The following EMB variants were observed in gnomAD, a reference collection of about 807,000 sequenced individuals.
EMB encodes embigin, also known as embigin homolog.
Under a neutral mutation model 41.4 loss-of-function variants are expected in EMB, and 31 were observed. The ratio of observed to expected loss-of-function variants is 0.75; its 90% CI spans 0.56 to 1.01. The LOEUF (loss-of-function observed/expected upper bound fraction) is 1.01. EMB is among the 50% of genes least tolerant of loss of function. The probability of loss-of-function intolerance (pLI) is 0.00; values close to 1 mark genes in which losing one functional copy is unlikely to be tolerated. For synonymous variants in EMB, 137 were observed against 140.4 expected, an observed-to-expected ratio of 0.98 and a Z score of 0.17; for missense variants, 379 against 388.3, an observed-to-expected ratio of 0.98 and a Z score of 0.20.
intron 1 of EMB, 79 bp from the exon 2 acceptor site, chr5:50,428,306 A>G (rs921881796): frequency 1.5e-5 from 20 of 1,337,996 alleles, no homozygotes; most frequent in Non-Finnish European, 2.1e-5. Flanking sequence ...AAACAGCTAA[A>G]ACACTGTTGT....
At chr5:50,430,861 G>A (rs1196935363) in intron 1 of EMB, among the ~76,000 whole-genome samples, 1 of 152,120 alleles carries the variant, frequency 6.6e-6, no homozygotes, top group East Asian at 1.9e-4. Context: ...GACTTGTCAT[G>A]GATGGGCTCA....
chr5:50,440,981 G>A (rs911851255), intron 1 of EMB, 59 bp downstream of exon 1: 7 of 1,202,110 alleles, frequency 5.8e-6, no homozygotes, highest in African/African-American at 3.2e-5. Flanking sequence ...TCTGCCCGCG[G>A]GGACCCGAGC....
Position 50,411,244 on chromosome 5 carries a change from A to G in EMB, c.336T>C (p.Asn112=). The change falls in exon 3 of 9, where the codon AAT becomes AAC. Residue 112 remains asparagine (N), a synonymous_variant. Transcript: ENST00000303221. ...TTCCTGTTGCACTGACAAGATAATT[A>G]TTCTCAAGTTGTTCACCATCTTTTT... ...TWKKDGEQLE[N]NYLVSATGST... is the part of the protein sequence containing the mutation. 6.2e-7 allele frequency: 1 copy of G among 1,612,934 alleles called. No homozygotes were observed. Among genetic ancestry groups the G allele is most frequent in the Non-Finnish European group, 8.5e-7 (1 of 1,179,318 alleles).
chr5:50,422,090 CTGT>C (rs957814161), intron 2 of EMB, among the ~76,000 whole-genome samples: 1 of 151,970 alleles, frequency 6.6e-6, no homozygotes, highest in Non-Finnish European at 1.5e-5. Flanking sequence ...GAAAGAAAAT[CTGT>C]TTTTTTAAAA....
intron 2 of EMB, among the ~76,000 whole-genome samples, chr5:50,426,857 T>A (rs1234678595): frequency 6.6e-6 from 1 of 150,478 alleles, no homozygotes; most frequent in East Asian, 1.9e-4. Context: ...AGTTATCTTG[T>A]CATTTTCAAC....
At chr5:50,411,599 A>G (rs1357611339) in intron 2 of EMB, 3 of 378,504 alleles carry the variant, frequency 7.9e-6, no homozygotes, top group Non-Finnish European at 1.4e-5. Context: ...TAACACAATT[A>G]AAAAAAACCT....
chr5:50,411,606 A>C (rs975119600), intron 2 of EMB: 57 of 365,146 alleles, frequency 1.6e-4, no homozygotes, highest in Non-Finnish European at 2.6e-4. Flanking sequence ...ATTAAAAAAA[A>C]CCTAAAGCTG....
At chr5:50,417,147 C>A (rs1745442750) in intron 2 of EMB, among the ~76,000 whole-genome samples, 2 of 152,148 alleles carry the variant, frequency 1.3e-5, no homozygotes, top group African/African-American at 4.8e-5. Context: ...TTCACCTGCC[C>A]TGTAATAATT....
chr5:50,407,783 A>C (rs1745271832), intron 4 of EMB, among the ~76,000 whole-genome samples: 1 of 151,990 alleles, frequency 6.6e-6, no homozygotes, highest in African/African-American at 2.4e-5. Context: ...AGTAGGATGC[A>C]TACGAGTGCT....
chr5:50,404,699 C>T (rs191776596), intron 5 of EMB, among the ~76,000 whole-genome samples: 2 of 151,990 alleles, frequency 1.3e-5, no homozygotes, highest in Admixed American at 1.3e-4. Context: ...TACAAAATTA[C>T]ACTTTTTAAA....
intron 1 of EMB, among the ~76,000 whole-genome samples, chr5:50,433,076 T>C (rs548983117): frequency 8.1e-4 from 123 of 151,050 alleles, no homozygotes; most frequent in Non-Finnish European, 1.6e-3. Flanking sequence ...AGACTCTGTC[T>C]CCAAAAAAAA....
At chr5:50,408,877 T>C (rs1375997972) in intron 4 of EMB, among the ~76,000 whole-genome samples, 1 of 152,102 alleles carries the variant, frequency 6.6e-6, no homozygotes, top group African/African-American at 2.4e-5. Context: ...GTAAGCAATA[T>C]TCAATTTAGA....
At chr5:50,427,504 T>TGGGA (rs1561138985) in intron 2 of EMB, among the ~76,000 whole-genome samples, 1 of 150,572 alleles carries the variant, frequency 6.6e-6, no homozygotes, top group Admixed American at 6.6e-5. Flanking sequence ...TTATTATTAT[T>TGGGA]ATTATATTAT....
At chr5:50,432,750 TAAA>T (rs35639181) in intron 1 of EMB, among the ~76,000 whole-genome samples, 6 of 98,916 alleles carry the variant, frequency 6.1e-5, no homozygotes, top group South Asian at 3.9e-4. Flanking sequence ...GAAAAACAAG[TAAA>T]AAAAAAAAAA....
chr5:50,399,805 C>T, intron 8 of EMB, 54 bp downstream of exon 8: 3 of 1,374,120 alleles, frequency 2.2e-6, no homozygotes, highest in Non-Finnish European at 3.1e-6. Context: ...GATAGATAGC[C>T]TATGTATATT....
At chr5:50,431,346 C>T (rs1352341992) in intron 1 of EMB, among the ~76,000 whole-genome samples, 1 of 152,056 alleles carries the variant, frequency 6.6e-6, no homozygotes, top group Non-Finnish European at 1.5e-5. Context: ...GAATGTAAAC[C>T]TTATTGCTTT....
At chr5:50,406,509 T>C (rs1473735007) in intron 4 of EMB, among the ~76,000 whole-genome samples, 3 of 151,756 alleles carry the variant, frequency 2.0e-5, no homozygotes, top group Admixed American at 2.0e-4. Context: ...AAATGAGCAC[T>C]GAATTTAGAA....
intron 2 of EMB, chr5:50,412,106 C>T (rs977101746): frequency 6.6e-6 from 1 of 151,934 alleles, no homozygotes; most frequent in African/African-American, 2.4e-5. Context: ...ATTTTTTAAA[C>T]TTGTACCTAA....
At chr5:50,442,574 G>T (rs998249405), upstream of EMB, among the ~76,000 whole-genome samples, 1 of 152,012 alleles carries the variant, frequency 6.6e-6, no homozygotes, top group African/African-American at 2.4e-5. Context: ...TCTCAGAAAA[G>T]CCTCTTCTCA....
Sources: allele counts gnomAD v4.1 joint callset (sites outside exome capture counted in the v4.1 genomes callset), GRCh38; gene constraint gnomAD v4.1.1; transcripts MANE v1.5; gene names NCBI Gene and HGNC (gene_info 2026-07-23, HGNC 2026-07-21).